The following YLPM1 variants were observed in gnomAD, a reference collection of about 807,000 sequenced individuals.
The protein encoded by YLPM1 is YLP motif-containing protein 1.
YLPM1 carries 99 observed loss-of-function variants against 230.0 expected under a neutral mutation model. The ratio of observed to expected loss-of-function variants is 0.43; its 90% CI spans 0.37 to 0.51. The LOEUF is 0.51. Among genes scored for constraint, YLPM1 ranks in the 20% least tolerant of loss-of-function variants. The probability of loss-of-function intolerance (pLI) is 0.00; values close to 1 mark genes in which losing one functional copy is unlikely to be tolerated. For synonymous variants in YLPM1, 984 were observed against 942.5 expected, an observed-to-expected ratio of 1.04 and a Z score of -0.81; for missense variants, 2,592 against 2,707.7, an observed-to-expected ratio of 0.96 and a Z score of 0.95.
intron 10 of YLPM1, 23 bp downstream of exon 10, chr14:74,811,761 A>G (rs917582895): frequency 2.7e-6 from 4 of 1,480,386 alleles, no homozygotes; most frequent in South Asian, 1.3e-5. Flanking sequence ...CTTATTAACT[A>G]CAAGGATGTT....
At chr14:74,772,117 C>T (rs2090982406) in intron 1 of YLPM1, among the ~76,000 whole-genome samples, 2 of 152,116 alleles carry the variant, frequency 1.3e-5, no homozygotes, top group South Asian at 2.1e-4. Flanking sequence ...ACACTCACCT[C>T]CTTTATAGTT....
chr14:74,788,372 G>A lies in YLPM1; in HGVS notation c.2282+6047G>A, dbSNP rs533207774. 4.6e-5 allele frequency among the ~76,000 whole-genome samples: 7 copies of A among 152,144 alleles called. No individual in the cohort carries two copies. In the East Asian group the frequency reaches 7.8e-4, roughly 17 times the overall value. On this transcript the variant is annotated intron_variant, in intron 4 of 20. Transcript: ENST00000325680. The stretch of plus-strand genomic sequence containing the variant: ...CCTGGCCTCGTGATCCACCCGCCTC[G>A]GCCTCTCAAAGTGCTGGGATTACAG...
chr14:74,792,656 C>T (rs1363576107), intron 4 of YLPM1, among the ~76,000 whole-genome samples: 2 of 152,140 alleles, frequency 1.3e-5, no homozygotes, highest in Non-Finnish European at 2.9e-5. Flanking sequence ...ATTATGTTGC[C>T]CTTTTCACTA....
At chr14:74,772,224 T>C (rs1057354362) in intron 1 of YLPM1, among the ~76,000 whole-genome samples, 2 of 151,878 alleles carry the variant, frequency 1.3e-5, no homozygotes, top group African/African-American at 4.8e-5. Context: ...TTTCTTTTTT[T>C]TTTTTTTTTC....
intron 1 of YLPM1, among the ~76,000 whole-genome samples, chr14:74,769,991 G>C (rs1219431429): frequency 6.6e-6 from 1 of 151,266 alleles, no homozygotes; most frequent in African/African-American, 2.4e-5. Context: ...GACCATCCTG[G>C]CTAACATGGT....
Position 74,781,959 on chromosome 14 carries a change from C to G in YLPM1, c.1916C>G (p.Pro639Arg). 1 of 1,613,560 alleles carries G rather than the reference C, an allele frequency of 6.2e-7. No individual in the cohort carries two copies. Among genetic ancestry groups the G allele is most frequent in the Non-Finnish European group, 8.5e-7 (1 of 1,179,664 alleles). Residue 639 changes from proline (P) to arginine (R), a missense_variant, in exon 4 of 21, where the codon CCA becomes CGA. Coordinates refer to ENST00000325680, the MANE Select transcript of YLPM1 (RefSeq NM_019589.3). Reference protein sequence around the residue: ...PPPGIPPPGVPQGIPPQLTAA... With the variant: ...PPPGIPPPGVRQGIPPQLTAA... Reference sequence around the variant, plus strand: ...CCAGGAATACCTCCCCCTGGAGTTCCACAAGGGATACCTCCTCAGTTAACA... The same window carrying G: ...CCAGGAATACCTCCCCCTGGAGTTCGACAAGGGATACCTCCTCAGTTAACA...
chr14:74,816,860 A>C lies in YLPM1; in HGVS notation c.5686-71A>C, dbSNP rs1594840177. 4 of 1,473,894 alleles carry C rather than the reference A, an allele frequency of 2.7e-6. No individual in the cohort carries two copies. The East Asian group carries it at 9.4e-5, about 34-fold the overall frequency. The allele number at this position is 1,473,894 out of a possible 1,614,324, so 91.3% of individuals were successfully genotyped here. A position where few individuals can be genotyped will look rare whatever the true frequency, so the allele number is the denominator to read the frequency against. On this transcript the variant is annotated intron_variant, in intron 13 of 20. Transcript: ENST00000325680. The stretch of plus-strand genomic sequence containing the variant: ...ACTACAAAGTCATCTCTATCCAAAT[A>C]CTAACCAAGGAAAAGGTTTTGGATG...
chr14:74,796,377 C>T (rs1353796135), intron 4 of YLPM1, among the ~76,000 whole-genome samples: 3 of 152,170 alleles, frequency 2.0e-5, no homozygotes, highest in Non-Finnish European at 2.9e-5. Flanking sequence ...CTCTTGCTTC[C>T]TTAGCTTGAG....
intron 4 of YLPM1, among the ~76,000 whole-genome samples, chr14:74,790,927 C>T (rs2091200550): frequency 6.6e-6 from 1 of 152,092 alleles, no homozygotes; most frequent in African/African-American, 2.4e-5. Flanking sequence ...TTTGTAACAT[C>T]TTTGAACTTT....
Position 74,798,078 on chromosome 14 carries a change from T to C in YLPM1, c.2781T>C (p.Asn927=). The C allele has an allele frequency of 6.2e-7, 1 of 1,613,932 alleles. No homozygotes were observed. Among genetic ancestry groups the C allele is most frequent in the Non-Finnish European group, 8.5e-7 (1 of 1,179,888 alleles). Residue 927 remains asparagine (N), a synonymous_variant, in exon 5 of 21, where the codon AAT becomes AAC. Transcript: ENST00000325680. ...GPVEPSNWDQ[N]VQSMETQIDK... ...TAGAGCCCTCTAATTGGGACCAGAA[T>C]GTTCAAAGTATGGAGACTCAAATCG...
chr14:74,809,511 T>A lies in YLPM1; in HGVS notation c.4653T>A (p.Pro1551=), dbSNP rs772419433. The A allele has an allele frequency of 6.3e-7, 1 of 1,585,214 alleles. No homozygotes were observed. Among genetic ancestry groups the A allele is most frequent in the African/African-American group, 1.3e-5 (1 of 74,312 alleles). Residue 1551 remains proline (P), a synonymous_variant, in exon 7 of 21, where the codon CCT becomes CCA. Coordinates refer to ENST00000325680, the MANE Select transcript of YLPM1 (RefSeq NM_019589.3). The part of the protein sequence containing the change: ...RPPVPIPPPP[P]PPPLPPPPPV... ...CTGTCCCAATACCACCACCTCCACC[T>A]CCTCCACCTCTACCTCCTCCTCCTC...
chr14:74,768,783 G>A (rs965251411), intron 1 of YLPM1, among the ~76,000 whole-genome samples: 3 of 152,166 alleles, frequency 2.0e-5, no homozygotes, highest in African/African-American at 7.2e-5. Flanking sequence ...AGTTGTGGGG[G>A]AAGGGAGAAG....
At chr14:74,778,308 T>C (rs1346474338) in intron 1 of YLPM1, 139 bp from the exon 2 acceptor site, 8 of 701,068 alleles carry the variant, frequency 1.1e-5, no homozygotes, top group African/African-American at 3.6e-5. Flanking sequence ...TGTTAACTTA[T>C]TTGTCTTCCT....
At chr14:74,770,743 A>G (rs2090970604) in intron 1 of YLPM1, among the ~76,000 whole-genome samples, 2 of 152,222 alleles carry the variant, frequency 1.3e-5, no homozygotes, top group Non-Finnish European at 2.9e-5. Flanking sequence ...AGATCAGGGA[A>G]GGCCTGTAAG....
chr14:74,763,440 G>A lies in YLPM1; in HGVS notation c.-50G>A. The A allele has an allele frequency of 7.3e-7, 1 of 1,374,668 alleles. No individual in the cohort carries two copies. Among genetic ancestry groups the A allele is most frequent in the Non-Finnish European group, 9.5e-7 (1 of 1,056,258 alleles). The allele number at this position is 1,374,668 out of a possible 1,614,324, so 85.2% of individuals were successfully genotyped here. On this transcript the variant is annotated 5_prime_UTR_variant, in exon 1 of 21. Coordinates refer to ENST00000325680, the MANE Select transcript of YLPM1 (RefSeq NM_019589.3). ...TCGCCGCCGCGGCTCCTGGAGGTCG[G>A]TTGCGACGAGTAACGGCGCCAGGAC...
intron 11 of YLPM1, among the ~76,000 whole-genome samples, chr14:74,815,664 T>C (rs1463968142): frequency 6.6e-6 from 1 of 152,226 alleles, no homozygotes; most frequent in East Asian, 1.9e-4. Flanking sequence ...TATTAACTTC[T>C]GCTTTAATCT....
rs181856085 is a variant in YLPM1, at chr14:74,821,367, C to A, written c.6111+230C>A. 152 of 440,938 alleles carry A rather than the reference C, an allele frequency of 3.4e-4. 1 individual carries two copies. The highest frequency in any genetic ancestry group is 2.4e-3 in the African/African-American group (118 of 49,040). The allele number at this position is 440,938 out of a possible 1,614,324, so 27.3% of individuals were successfully genotyped here. A position where few individuals can be genotyped will look rare whatever the true frequency, so the allele number is the denominator to read the frequency against. ...TTTTAACAGAGTGCTAAGAAACTTA[C>A]CCTTGTACTCATCTATTTGTGGGTG... On this transcript the variant is annotated intron_variant, in intron 17 of 20. Coordinates refer to ENST00000325680, the MANE Select transcript of YLPM1 (RefSeq NM_019589.3).
rs2091638042 is a variant in YLPM1 at position 74,835,712 on chromosome 14, T to G, written c.*37-63T>G. On this transcript the variant is annotated intron_variant, in intron 20 of 20. Transcript: ENST00000325680. ...GGGAAGGACTGAAATGATGTTATAC[T>G]AAGGGCTACTGAACTTTTTGCCTGT... 1.7e-5 allele frequency: 7 copies of G among 413,046 alleles called. 1 individual carries two copies. Among genetic ancestry groups the G allele is most frequent in the South Asian group, 1.4e-4 (7 of 49,558 alleles). 25.6% of individuals were successfully genotyped at this position (413,046 alleles called of 1,614,324 possible). A position where few individuals can be genotyped will look rare whatever the true frequency, so the allele number is the denominator to read the frequency against.
chr14:74,827,570 A>G (rs578153766), intron 18 of YLPM1: 1 of 985,460 alleles, frequency 1.0e-6, no homozygotes, highest in Admixed American at 6.1e-5. Flanking sequence ...TGCAGTTTTC[A>G]CACTGCCCTT....
Sources: gnomAD v4.1 joint callset for allele counts (sites outside exome capture counted in the v4.1 genomes callset) on GRCh38, gnomAD v4.1.1 for gene constraint, MANE v1.5 for transcripts, NCBI Gene and HGNC (gene_info 2026-07-23, HGNC 2026-07-21) for gene names.